Variants in ZNF737 observed in about 807,000 individuals in gnomAD.
The protein encoded by ZNF737 is zinc finger protein 737, also known as zinc finger protein 102 (Y3).
Under a neutral mutation model 11.7 loss-of-function variants are expected in ZNF737, and 13 were observed. The ratio of observed to expected loss-of-function variants is 1.11; its 90% CI spans 0.73 to 1.77. ZNF737 has a LOEUF of 1.77. Among genes scored for constraint, ZNF737 ranks in the 40% most tolerant of loss-of-function variants. ZNF737 has a pLI of 0.00. For missense variants in ZNF737, 636 were observed against 638.0 expected (o/e 1.00, Z 0.03); for synonymous variants, 217 against 216.2 (o/e 1.00, Z -0.03).
At chr19:20,553,632 T>C in intron 2 of ZNF737, 77 bp downstream of exon 2, 1 of 1,403,774 alleles carries the variant, frequency 7.1e-7, no homozygotes, top group Admixed American at 2.2e-5. Context: ...AAGAATAAAT[T>C]ACTAAAAAAA....
At chr19:20,531,422 G>A (rs1235004895), downstream of ZNF737, among the ~76,000 whole-genome samples, 3 of 146,528 alleles carry the variant, frequency 2.0e-5, no homozygotes, top group African/African-American at 7.7e-5. Flanking sequence ...TTCTATAAAA[G>A]TACTTTAAAG....
chr19:20,548,535 A>G (rs1002426968), intron 3 of ZNF737, among the ~76,000 whole-genome samples: 2 of 152,192 alleles, frequency 1.3e-5, no homozygotes, highest in Non-Finnish European at 2.9e-5. Context: ...TTAATGGTCA[A>G]TGGCTTTTAG....
In ZNF737 at chr19:20,538,038, A is replaced by G. The variant is rs782756312; in HGVS notation, c.*6554T>C. The G allele has an allele frequency of 2.0e-6, 2 of 982,724 alleles. No homozygotes were observed. The highest frequency in any genetic ancestry group is 2.4e-6 in the Non-Finnish European group (2 of 827,476). The allele number at this position is 982,724 out of a possible 1,614,324, so 60.9% of individuals were successfully genotyped here. On this transcript the variant is annotated 3_prime_UTR_variant, in exon 4 of 4. Coordinates refer to ENST00000427401, the MANE Select transcript of ZNF737 (RefSeq NM_001159293.2). ...ATCATATGGAAGAAGTGTATTAACC[A>G]TGTTTTCAGTAATCACTCTGAACAC... is the stretch of plus-strand genomic sequence containing the variant.
chr19:20,539,197 G>A lies in ZNF737; in HGVS notation c.*5395C>T, dbSNP rs1344689555. 2 of 691,690 alleles carry A rather than the reference G, an allele frequency of 2.9e-6. No individual in the cohort carries two copies. Among genetic ancestry groups the A allele is most frequent in the Non-Finnish European group, 3.6e-6 (2 of 562,164 alleles). The allele number at this position is 691,690 out of a possible 1,614,324, so 42.8% of individuals were successfully genotyped here. Reference sequence around the variant, plus strand: ...CCCAGCTACTCAGGAGGCTGAGGCGGAAGAATCACTTGAACCAGGGAGGTG... The same window carrying A: ...CCCAGCTACTCAGGAGGCTGAGGCGAAAGAATCACTTGAACCAGGGAGGTG... On this transcript the variant is annotated 3_prime_UTR_variant, in exon 4 of 4. Transcript: ENST00000427401.
chr19:20,550,872 G>A (rs542959304), intron 3 of ZNF737, among the ~76,000 whole-genome samples: 1 of 152,210 alleles, frequency 6.6e-6, no homozygotes, highest in Non-Finnish European at 1.5e-5. Context: ...CAGTACCCCT[G>A]TTCATGGCTA....
rs1968795228 is a variant in ZNF737 at position 20,554,060 on chromosome 19, A to G, written c.4-225T>C. ...CATCAGTTCATGTATTTTTCTAGAT[A>G]GTAAAGTGTAAAATTAAGGGTATGA... On this transcript the variant is annotated intron_variant, in intron 1 of 3. Transcript: ENST00000427401. 3.3e-5 allele frequency among the ~76,000 whole-genome samples: 5 copies of G among 152,244 alleles called. No homozygotes were observed. In the South Asian group the frequency reaches 1.0e-3, roughly 31 times the overall value.
At chr19:20,546,748 T>G (rs1968468347) in intron 3 of ZNF737, among the ~76,000 whole-genome samples, 1 of 152,126 alleles carries the variant, frequency 6.6e-6, no homozygotes, top group Non-Finnish European at 1.5e-5. Context: ...GACATGGTAG[T>G]GCATATCTAC....
In ZNF737 at chr19:20,553,786, C is replaced by T; in HGVS notation, c.53G>A (p.Trp18Ter). The part of the protein sequence containing the change: ...DVAIEFSLEE[W>*]HCLDTAQRNL... Reference sequence around the variant, plus strand: ...CCGCTGTGCAGTGTCCAGGCAATGCCACTCCTCCAGAGAGAATTCTATGGC... The same window carrying T: ...CCGCTGTGCAGTGTCCAGGCAATGCTACTCCTCCAGAGAGAATTCTATGGC... Residue 18 changes from tryptophan to a stop codon, truncating the protein, a stop_gained, in exon 2 of 4, where the codon TGG (tryptophan) becomes TAG (stop). Transcript: ENST00000427401. LOFTEE classifies it high-confidence loss of function. 1.9e-6 allele frequency: 3 copies of T among 1,613,944 alleles called. No homozygotes were observed. The highest frequency in any genetic ancestry group is 1.1e-5 in the South Asian group (1 of 91,056).
rs782305873 is a variant in ZNF737 at position 20,552,525 on chromosome 19, C to T, written c.176G>A (p.Gly59Glu). The change falls in exon 3 of 4, where the codon GGA becomes GAA. Residue 59 changes from glycine to glutamate, a missense_variant. Physicochemically the swap from Gly to Glu is moderately conservative, Grantham distance 98 (BLOSUM62 -2). Coordinates refer to ENST00000427401, the MANE Select transcript of ZNF737 (RefSeq NM_001159293.2). ...KPDLITCLEQ[G>E]KKPLTMKKHE... is the part of the protein sequence containing the mutation. ...TTTCTTCATGGTCAAAGGTTTTTTT[C>T]CTTGCTCCAGACAGGTGATGAGGTC... The T allele has an allele frequency of 8.2e-6, 13 of 1,593,142 alleles. No individual in the cohort carries two copies. Among genetic ancestry groups the T allele is most frequent in the Non-Finnish European group, 1.1e-5 (13 of 1,172,972 alleles).
intron 1 of ZNF737, among the ~76,000 whole-genome samples, chr19:20,560,350 A>G (rs2144693645): frequency 6.6e-6 from 1 of 152,108 alleles, no homozygotes; most frequent in Non-Finnish European, 1.5e-5. Flanking sequence ...TCTGTCTCCA[A>G]AAATAAAATG....
chr19:20,545,741 A>G lies in ZNF737; in HGVS notation c.462T>C (p.Ile154=), dbSNP rs1298267204. Residue 154 remains isoleucine, a synonymous_variant, in exon 4 of 4, where the codon ATT becomes ATC. Coordinates refer to ENST00000427401, the MANE Select transcript of ZNF737 (RefSeq NM_001159293.2). The part of the protein sequence containing the change: ...IFQCDKYVKV[I]HKFSNSNRHK... ...GTCTGTTTGAATTTGAAAATTTATG[A>G]ATGACTTTCACATATTTATCACACT... 6.2e-7 allele frequency: 1 copy of G among 1,612,930 alleles called. No individual in the cohort carries two copies. The highest frequency in any genetic ancestry group is 1.3e-5 in the African/African-American group (1 of 74,886).
In ZNF737 at chr19:20,545,018, T is replaced by C. The variant is rs782543225; in HGVS notation, c.1185A>G (p.Lys395=). Residue 395 remains lysine, a synonymous_variant, in exon 4 of 4, where the codon AAA becomes AAG. Transcript: ENST00000427401. The part of the protein sequence containing the change: ...TTHKRIHTGE[K]PYKCEECGEA... Reference sequence around the variant, plus strand: ...CGCCACATTCTTCACATTTGTAGGGTTTCTCTCCAGTATGAATTCTCTTAT... The same window carrying C: ...CGCCACATTCTTCACATTTGTAGGGCTTCTCTCCAGTATGAATTCTCTTAT... 2.9e-5 allele frequency: 46 copies of C among 1,613,680 alleles called. 1 individual carries two copies. The East Asian group carries it at 4.9e-4, about 17-fold the overall frequency.
intron 1 of ZNF737, 149 bp from the exon 2 acceptor site, chr19:20,553,984 A>T: frequency 1.0e-6 from 1 of 955,894 alleles, no homozygotes; most frequent in Non-Finnish European, 1.5e-6. Flanking sequence ...TCAACACAGA[A>T]ATATTCTCTA....
Position 20,543,992 on chromosome 19 carries a change from T to G in ZNF737, c.*600A>C. 1 of 600,474 alleles carries G rather than the reference T, an allele frequency of 1.7e-6. No homozygotes were observed. The highest frequency in any genetic ancestry group is 2.1e-6 in the Non-Finnish European group (1 of 479,200). 37.2% of individuals were successfully genotyped at this position (600,474 alleles called of 1,614,324 possible). A position where few individuals can be genotyped will look rare whatever the true frequency, so the allele number is the denominator to read the frequency against. On this transcript the variant is annotated 3_prime_UTR_variant, in exon 4 of 4. Transcript: ENST00000427401. ...AAAATAAAAAAATTAGCTGGGCATG[T>G]TGGAGGACACCTGTAATCCCAGCTA... is the stretch of plus-strand genomic sequence containing the variant.
At position 20,545,689 on chromosome 19, in the gene ZNF737, G is replaced by T; in HGVS notation, c.514C>A (p.Pro172Thr). The T allele has an allele frequency of 1.9e-6, 3 of 1,613,474 alleles. No individual in the cohort carries two copies. Among genetic ancestry groups the T allele is most frequent in the South Asian group, 1.1e-5 (1 of 91,022 alleles). The change falls in exon 4 of 4, where the codon CCT becomes ACT. Residue 172 changes from proline (P) to threonine (T), a missense_variant. Physicochemically the swap from Pro to Thr is conservative, Grantham distance 38 (BLOSUM62 -1). Coordinates refer to ENST00000427401, the MANE Select transcript of ZNF737 (RefSeq NM_001159293.2). ...RHKIRHTGKK[P>T]FKCIECGKAF... ...TTGCCACATTCTATACATTTGAAAGGTTTTTTTCCAGTATGTCTTATCTTA... is the reference window on the plus strand; with the variant it reads ...TTGCCACATTCTATACATTTGAAAGTTTTTTTTCCAGTATGTCTTATCTTA...
At position 20,541,057 on chromosome 19, in the gene ZNF737, G is replaced by T; in HGVS notation, c.*3535C>A. On this transcript the variant is annotated 3_prime_UTR_variant, in exon 4 of 4. Transcript: ENST00000427401. ...GAGAGTTGTTTCTGGAGACAAAGTT[G>T]CCTGTGCTTTAATAGGCAGACTCTG... is the stretch of plus-strand genomic sequence containing the variant. The T allele has an allele frequency of 1.0e-6, 1 of 985,184 alleles. No individual in the cohort carries two copies. The highest frequency in any genetic ancestry group is 1.7e-5 in the African/African-American group (1 of 57,268). 61.0% of individuals were successfully genotyped at this position (985,184 alleles called of 1,614,324 possible).
chr19:20,557,619 T>A (rs1488944177), intron 1 of ZNF737, among the ~76,000 whole-genome samples: 1 of 7,310 alleles, frequency 1.4e-4, no homozygotes, highest in Non-Finnish European at 2.5e-4. Context: ...TCTAGGGTAA[T>A]TTTTTTTTTT....
In ZNF737 at chr19:20,543,360, C is replaced by A. The variant is rs1180235879; in HGVS notation, c.*1232G>T. ...TGATACTAGTAAATGTACTATGTAACTCCCTTTATATTTGTAATGCTTGTC... is the reference window on the plus strand; with the variant it reads ...TGATACTAGTAAATGTACTATGTAAATCCCTTTATATTTGTAATGCTTGTC... On this transcript the variant is annotated 3_prime_UTR_variant, in exon 4 of 4. Transcript: ENST00000427401. 3.0e-6 allele frequency: 3 copies of A among 986,346 alleles called. No homozygotes were observed. The East Asian group carries it at 3.4e-4, about 112-fold the overall frequency. 61.1% of individuals were successfully genotyped at this position (986,346 alleles called of 1,614,324 possible). A position where few individuals can be genotyped will look rare whatever the true frequency, so the allele number is the denominator to read the frequency against.
chr19:20,562,060 T>A (rs1969117690), intron 1 of ZNF737, among the ~76,000 whole-genome samples: 1 of 152,228 alleles, frequency 6.6e-6, no homozygotes, highest in African/African-American at 2.4e-5. Flanking sequence ...AGGAACAGTT[T>A]ATGGAAAGAA....
Sources: allele counts gnomAD v4.1 joint callset (sites outside exome capture counted in the v4.1 genomes callset), GRCh38; gene constraint gnomAD v4.1.1; transcripts MANE v1.5; gene names NCBI Gene and HGNC (gene_info 2026-07-23, HGNC 2026-07-21).